Variants in NCAM1 observed in about 807,000 individuals in gnomAD.
NCAM1 encodes the protein antigen recognized by monoclonal antibody 5.1H11.
NCAM1 carries 14 observed loss-of-function variants against 109.8 expected under a neutral mutation model. That is an observed-to-expected ratio of 0.13 (90% CI 0.08 to 0.20). The LOEUF is 0.20. Ranked by LOEUF, NCAM1 falls within the 10% of genes least tolerant of loss-of-function variation. The pLI is 1.00. For missense variants in NCAM1, 774 were observed against 1,109.9 expected (o/e 0.70, Z 4.30); for synonymous variants, 418 against 442.9 (o/e 0.94, Z 0.70).
intron 1 of NCAM1, among the ~76,000 whole-genome samples, chr11:113,031,893 A>G (rs1439622379): frequency 1.3e-5 from 2 of 152,130 alleles, no homozygotes; most frequent in Non-Finnish European, 2.9e-5. Flanking sequence ...AGAATCTGCA[A>G]ATAATGAGGA....
At chr11:113,104,534 TGACTGCA>T in intron 1 of NCAM1, among the ~76,000 whole-genome samples, 1 of 152,166 alleles carries the variant, frequency 6.6e-6, no homozygotes, top group Non-Finnish European at 1.5e-5. Context: ...CAACCAGGAT[TGACTGCA>T]GTGTTATTGG....
At chr11:113,098,363 A>T (rs6589356) in intron 1 of NCAM1, among the ~76,000 whole-genome samples, 11,075 of 152,260 alleles carry the variant, frequency 0.073, 777 homozygotes, top group Admixed American at 0.17. Context: ...ATCCTCCTGT[A>T]TGATTGAATC....
At chr11:113,066,032 C>A (rs1271822046) in intron 1 of NCAM1, among the ~76,000 whole-genome samples, 1 of 152,162 alleles carries the variant, frequency 6.6e-6, no homozygotes, top group Non-Finnish European at 1.5e-5. Context: ...ATTCATGAGA[C>A]AGGGTCACTG....
intron 1 of NCAM1, among the ~76,000 whole-genome samples, chr11:113,103,787 C>A (rs1194996443): frequency 6.6e-6 from 1 of 152,078 alleles, no homozygotes; most frequent in Admixed American, 6.5e-5. Flanking sequence ...GCCTTTATAG[C>A]CCTGAAGTAA....
At chr11:113,213,442 T>A (rs922523166) in intron 7 of NCAM1, among the ~76,000 whole-genome samples, 2 of 152,178 alleles carry the variant, frequency 1.3e-5, no homozygotes, top group African/African-American at 4.8e-5. Context: ...CCCAAAACAT[T>A]TGGAAAATGA....
intron 1 of NCAM1, among the ~76,000 whole-genome samples, chr11:113,059,746 T>C (rs1255707951): frequency 6.6e-6 from 1 of 152,176 alleles, no homozygotes; most frequent in Non-Finnish European, 1.5e-5. Context: ...AACACCACAT[T>C]GCACAAGAGC....
chr11:113,025,552 C>T (rs1952512480), intron 1 of NCAM1, among the ~76,000 whole-genome samples: 2 of 151,812 alleles, frequency 1.3e-5, no homozygotes, highest in South Asian at 4.2e-4. Flanking sequence ...GTAAGAATTC[C>T]TATGAAGAAA....
chr11:113,209,091 G>A (rs987270066), intron 7 of NCAM1, among the ~76,000 whole-genome samples: 10 of 152,160 alleles, frequency 6.6e-5, no homozygotes, highest in Admixed American at 2.6e-4. Context: ...AAGTCTCTCC[G>A]CGTGTCTGTT....
At chr11:112,974,377 C>T (rs1950954811) in intron 1 of NCAM1, among the ~76,000 whole-genome samples, 1 of 151,820 alleles carries the variant, frequency 6.6e-6, no homozygotes, top group Non-Finnish European at 1.5e-5. Flanking sequence ...TCCCTGGCTG[C>T]CTATTAGTAA....
intron 15 of NCAM1, among the ~76,000 whole-genome samples, chr11:113,249,952 G>A (rs920217798): frequency 1.8e-4 from 27 of 152,088 alleles, no homozygotes; most frequent in Admixed American, 5.9e-4. Flanking sequence ...GTGTGGCTGC[G>A]GGGAGCTCAG....
chr11:113,069,440 T>C (rs1229945714), intron 1 of NCAM1, among the ~76,000 whole-genome samples: 1 of 151,996 alleles, frequency 6.6e-6, no homozygotes, highest in Non-Finnish European at 1.5e-5. Flanking sequence ...TTGTAGGAGT[T>C]TGGACTGTGA....
At chr11:112,996,968 CT>C (rs1336938361) in intron 1 of NCAM1, among the ~76,000 whole-genome samples, 42 of 152,176 alleles carry the variant, frequency 2.8e-4, no homozygotes, top group Admixed American at 2.7e-3. Flanking sequence ...GTAAGGATTA[CT>C]TTATCAGCTC....
intron 1 of NCAM1, among the ~76,000 whole-genome samples, chr11:113,046,998 T>G (rs2135370843): frequency 6.6e-6 from 1 of 152,344 alleles, no homozygotes. Context: ...GCTGTTAAAG[T>G]TCATGCTTTA....
intron 1 of NCAM1, among the ~76,000 whole-genome samples, chr11:112,969,292 T>C (rs1284086535): frequency 5.9e-5 from 9 of 152,136 alleles, no homozygotes; most frequent in African/African-American, 2.2e-4. Context: ...TGTAAGTCTT[T>C]AAATGGAAAC....
At chr11:113,112,681 G>A (rs1239851482) in intron 1 of NCAM1, among the ~76,000 whole-genome samples, 1 of 152,126 alleles carries the variant, frequency 6.6e-6, no homozygotes, top group East Asian at 1.9e-4. Flanking sequence ...TGTCTTCATT[G>A]GTCTTGCTGA....
intron 1 of NCAM1, among the ~76,000 whole-genome samples, chr11:113,050,600 A>T (rs1437280647): frequency 6.6e-6 from 1 of 152,022 alleles, no homozygotes; most frequent in Admixed American, 6.6e-5. Context: ...TGTAGTTTGG[A>T]GTTAGGTAGT....
chr11:113,090,156 T>C (rs1047824057), intron 1 of NCAM1, among the ~76,000 whole-genome samples: 2 of 152,202 alleles, frequency 1.3e-5, no homozygotes, highest in African/African-American at 4.8e-5. Flanking sequence ...AACTGTCCTC[T>C]CTGACCTAAT....
intron 1 of NCAM1, among the ~76,000 whole-genome samples, chr11:113,165,474 C>T (rs1483263134): frequency 6.6e-6 from 1 of 152,086 alleles, no homozygotes; most frequent in Non-Finnish European, 1.5e-5. Flanking sequence ...TAAGAATCTC[C>T]ACTTCTCAGA....
At chr11:113,117,004 C>T (rs567171870) in intron 1 of NCAM1, among the ~76,000 whole-genome samples, 1 of 152,000 alleles carries the variant, frequency 6.6e-6, no homozygotes, top group African/African-American at 2.4e-5. Context: ...TATTTTCCAC[C>T]TCAAATCCTT....
Sources: gnomAD v4.1 joint callset for allele counts (sites outside exome capture counted in the v4.1 genomes callset) on GRCh38, gnomAD v4.1.1 for gene constraint, MANE v1.5 for transcripts, NCBI Gene and HGNC (gene_info 2026-07-23, HGNC 2026-07-21) for gene names.